Variants in VPS13C observed in about 807,000 individuals in gnomAD.
The protein encoded by VPS13C is vacuolar protein sorting 13 homolog C, also known as intermembrane lipid transfer protein VPS13C.
In VPS13C, 358 loss-of-function variants were observed where a neutral mutation model predicts 456.8. That is an observed-to-expected ratio of 0.78 (90% CI 0.72 to 0.86). VPS13C has a LOEUF of 0.86. VPS13C is among the 40% of genes least tolerant of loss of function. The pLI is 0.00. For synonymous variants in VPS13C, 1,578 were observed against 1,486.7 expected, an observed-to-expected ratio of 1.06 and a Z score of -1.41; for missense variants, 4,818 against 4,385.4, an observed-to-expected ratio of 1.10 and a Z score of -2.79.
At chr15:61,973,694 G>A (rs2045622490) in intron 25 of VPS13C, among the ~76,000 whole-genome samples, 162 bp from the exon 26 acceptor site, 2 of 152,066 alleles carry the variant, frequency 1.3e-5, no homozygotes, top group African/African-American at 4.8e-5. Context: ...GATATATTGT[G>A]TAATCAACTA....
chr15:62,002,551 T>C (rs1331129469), intron 15 of VPS13C, among the ~76,000 whole-genome samples: 3 of 152,350 alleles, frequency 2.0e-5, no homozygotes, highest in African/African-American at 7.2e-5. Flanking sequence ...ATTTTGGCTT[T>C]TGTTGCCATT....
At chr15:62,008,018 A>T (rs2046910611) in intron 14 of VPS13C, among the ~76,000 whole-genome samples, 1 of 152,184 alleles carries the variant, frequency 6.6e-6, no homozygotes, top group South Asian at 2.1e-4. Context: ...AGGAGAGTAG[A>T]TCACAAGGTC....
At chr15:61,913,537 T>C (rs1031976657) in intron 61 of VPS13C, 122 bp from the exon 62 acceptor site, 31 of 743,172 alleles carry the variant, frequency 4.2e-5, no homozygotes, top group Non-Finnish European at 6.6e-5. Flanking sequence ...AAATATATAA[T>C]CAAAGCCATA....
intron 2 of VPS13C, among the ~76,000 whole-genome samples, chr15:62,042,270 G>A (rs1204228024): frequency 6.6e-6 from 1 of 151,882 alleles, no homozygotes; most frequent in Non-Finnish European, 1.5e-5. Context: ...TTTATTCACA[G>A]AATACTAAAC....
intron 9 of VPS13C, among the ~76,000 whole-genome samples, chr15:62,014,226 T>C (rs1596477301): frequency 6.6e-6 from 1 of 151,956 alleles, no homozygotes; most frequent in African/African-American, 2.4e-5. Flanking sequence ...AATTACTGGG[T>C]TAATATGTAT....
chr15:62,014,125 A>T (rs2047143805), intron 9 of VPS13C, 133 bp from the exon 10 acceptor site: 1 of 502,188 alleles, frequency 2.0e-6, no homozygotes, highest in African/African-American at 2.0e-5. Context: ...TTAGCTATCT[A>T]TTTCTTTACA....
intron 27 of VPS13C, among the ~76,000 whole-genome samples, chr15:61,969,945 T>C (rs1354758704): frequency 6.6e-6 from 1 of 151,006 alleles, no homozygotes; most frequent in Non-Finnish European, 1.5e-5. Context: ...TCAAAAGGTG[T>C]AGATCTTTGT....
chr15:62,003,971 C>A (rs941165135), intron 15 of VPS13C, among the ~76,000 whole-genome samples: 167 of 152,236 alleles, frequency 1.1e-3, no homozygotes, highest in African/African-American at 3.8e-3. Flanking sequence ...GGATATTGGT[C>A]TAAAATTCTC....
chr15:61,989,867 T>C (rs2046170207), intron 18 of VPS13C, among the ~76,000 whole-genome samples: 1 of 152,188 alleles, frequency 6.6e-6, no homozygotes, highest in African/African-American at 2.4e-5. Context: ...TGGAAAACTA[T>C]TTAATATGCT....
chr15:62,010,439 A>C (rs1288077687), intron 13 of VPS13C, 33 bp downstream of exon 13: 2 of 1,546,996 alleles, frequency 1.3e-6, no homozygotes, highest in African/African-American at 1.4e-5. Context: ...ATTCAAGGCT[A>C]ATCAAAGCTG....
chr15:61,911,242 T>G (rs947926118), intron 63 of VPS13C, among the ~76,000 whole-genome samples: 2 of 152,168 alleles, frequency 1.3e-5, no homozygotes, highest in Non-Finnish European at 2.9e-5. Context: ...CCTCTAATCT[T>G]ACTGAGCATG....
chr15:61,897,868 C>T (rs1214464395), intron 66 of VPS13C, among the ~76,000 whole-genome samples: 1 of 152,076 alleles, frequency 6.6e-6, no homozygotes, highest in Non-Finnish European at 1.5e-5. Flanking sequence ...TCGGGTTACC[C>T]ACAAAGGGAA....
chr15:61,914,093 T>C (rs532688910), intron 61 of VPS13C, among the ~76,000 whole-genome samples: 2 of 152,246 alleles, frequency 1.3e-5, no homozygotes, highest in East Asian at 1.9e-4. Flanking sequence ...AATTAGTTTG[T>C]AAAAAACTTG....
intron 52 of VPS13C, among the ~76,000 whole-genome samples, chr15:61,925,914 G>T (rs1013282007): frequency 6.6e-6 from 1 of 152,160 alleles, no homozygotes; most frequent in African/African-American, 2.4e-5. Flanking sequence ...ACTGTGGTAA[G>T]GTAGGTAAGT....
At chr15:62,025,144 T>G (rs2047592612) in intron 6 of VPS13C, among the ~76,000 whole-genome samples, 1 of 151,990 alleles carries the variant, frequency 6.6e-6, no homozygotes, top group Non-Finnish European at 1.5e-5. Context: ...TTCAAATGAA[T>G]AAAAAAAATT....
intron 8 of VPS13C, among the ~76,000 whole-genome samples, chr15:62,021,789 A>G (rs1250531150): frequency 6.6e-6 from 1 of 151,898 alleles, no homozygotes; most frequent in Non-Finnish European, 1.5e-5. Context: ...CTCTTTTTAT[A>G]CTTAGAGATA....
intron 16 of VPS13C, among the ~76,000 whole-genome samples, chr15:61,997,518 T>G (rs2046429326): frequency 6.6e-6 from 1 of 152,176 alleles, no homozygotes; most frequent in Non-Finnish European, 1.5e-5. Context: ...GTCTAAGAGA[T>G]AGCTAAAACT....
intron 66 of VPS13C, among the ~76,000 whole-genome samples, chr15:61,904,037 A>G (rs192628831): frequency 3.3e-5 from 5 of 152,290 alleles, no homozygotes; most frequent in Admixed American, 3.3e-4. Flanking sequence ...CTATTTAAAG[A>G]AAACATTGGG....
chr15:61,913,871 T>C (rs918399136), intron 61 of VPS13C, among the ~76,000 whole-genome samples: 8 of 152,320 alleles, frequency 5.3e-5, no homozygotes, highest in East Asian at 1.9e-4. Context: ...ACACAGTTCC[T>C]GTCTTCGATG....
Sources: gnomAD v4.1 joint callset for allele counts (sites outside exome capture counted in the v4.1 genomes callset) on GRCh38, gnomAD v4.1.1 for gene constraint, MANE v1.5 for transcripts, NCBI Gene and HGNC (gene_info 2026-07-23, HGNC 2026-07-21) for gene names.